Variants in DIP2C observed in about 807,000 individuals in gnomAD.
DIP2C encodes the protein DIP2 acetate--CoA ligase C (putative).
In DIP2C, 33 loss-of-function variants were observed where a neutral mutation model predicts 192.4. The observed-to-expected ratio is 0.17, with a 90% CI of 0.13 to 0.23. DIP2C has a LOEUF of 0.23. Ranked by LOEUF, DIP2C falls within the 10% of genes least tolerant of loss-of-function variation. DIP2C has a pLI of 1.00. For synonymous variants in DIP2C, 979 were observed against 864.1 expected (o/e 1.13, Z -2.33); for missense variants, 1,537 against 2,110.1 (o/e 0.73, Z 5.32).
chr10:559,524 T>C (rs1849086789), intron 1 of DIP2C, among the ~76,000 whole-genome samples: 2 of 152,178 alleles, frequency 1.3e-5, no homozygotes, highest in Admixed American at 6.5e-5. Context: ...AATCAACAAC[T>C]ATATATGGCT....
chr10:541,165 T>C (rs1847964778), intron 1 of DIP2C, among the ~76,000 whole-genome samples: 1 of 151,948 alleles, frequency 6.6e-6, no homozygotes, highest in African/African-American at 2.4e-5. Context: ...GGGCAGGAGC[T>C]GAGAATGTAC....
chr10:291,509 T>C, intron 32 of DIP2C, among the ~76,000 whole-genome samples: 1 of 152,178 alleles, frequency 6.6e-6, no homozygotes, highest in African/African-American at 2.4e-5. Context: ...AGAAGAGATG[T>C]CTTCCTAAAG....
rs188814026 is a variant in DIP2C at position 379,235 on chromosome 10, T to C, written c.1991+3412A>G. Among the ~76,000 whole-genome samples the C allele has an allele frequency of 7.8e-4, 76 of 97,786 alleles. 1 individual carries two copies. The East Asian group carries it at 0.028, about 35-fold the overall frequency. The allele number at this position is 97,786 out of a possible 152,430, so 64.2% of individuals were successfully genotyped here. On this transcript the variant is annotated intron_variant, in intron 17 of 36. Coordinates refer to ENST00000280886, the MANE Select transcript of DIP2C (RefSeq NM_014974.3). The stretch of plus-strand genomic sequence containing the variant: ...CCCTGACAGCTGCTGCTGGCTTCTG[T>C]ACGCCCTGCCCCGCTACCCCACCCC...
intron 2 of DIP2C, 117 bp downstream of exon 2, chr10:486,342 C>T (rs1844014103): frequency 4.2e-6 from 4 of 941,186 alleles, no homozygotes; most frequent in Non-Finnish European, 6.4e-6. Context: ...AGGGTGAACG[C>T]CAGACGCCTC....
intron 24 of DIP2C, among the ~76,000 whole-genome samples, chr10:354,278 G>A (rs563029455): frequency 3.9e-5 from 6 of 152,240 alleles, no homozygotes; most frequent in East Asian, 3.9e-4. Context: ...TTAGAGAACC[G>A]GAATCATTTC....
At chr10:582,656 A>C (rs751869597) in intron 1 of DIP2C, among the ~76,000 whole-genome samples, 10 of 152,214 alleles carry the variant, frequency 6.6e-5, no homozygotes, top group Non-Finnish European at 1.3e-4. Flanking sequence ...AGAAGACTAG[A>C]GAATGGTGTG....
chr10:320,795 AAC>A (rs1397008713), intron 31 of DIP2C, among the ~76,000 whole-genome samples: 1 of 152,212 alleles, frequency 6.6e-6, no homozygotes, highest in African/African-American at 2.4e-5. Flanking sequence ...TGTTCTGTAA[AAC>A]AGCTACTCAC....
At chr10:376,665 G>A (rs927789732) in intron 17 of DIP2C, among the ~76,000 whole-genome samples, 2 of 151,518 alleles carry the variant, frequency 1.3e-5, no homozygotes, top group Admixed American at 6.6e-5. Flanking sequence ...TGAAGGTGCC[G>A]GGGCAGCCAC....
chr10:305,994 T>TA (rs201950305), intron 32 of DIP2C, among the ~76,000 whole-genome samples: 141 of 148,752 alleles, frequency 9.5e-4, no homozygotes, highest in African/African-American at 3.5e-3. Flanking sequence ...TATATATATA[T>TA]TATATTTTTT....
At chr10:416,802 C>G (rs1335568738) in intron 6 of DIP2C, among the ~76,000 whole-genome samples, 1 of 152,146 alleles carries the variant, frequency 6.6e-6, no homozygotes, top group Non-Finnish European at 1.5e-5. Context: ...GCCGGCAGGA[C>G]CTGGGAAACC....
At chr10:390,475 T>C in intron 11 of DIP2C, 102 bp from the exon 12 acceptor site, 1 of 1,215,074 alleles carries the variant, frequency 8.2e-7, no homozygotes, top group Non-Finnish European at 1.2e-6. Flanking sequence ...GTCAACTAGA[T>C]CGAATCTCTG....
intron 17 of DIP2C, among the ~76,000 whole-genome samples, chr10:376,341 C>T (rs1961586173): frequency 6.7e-6 from 1 of 150,034 alleles, no homozygotes; most frequent in African/African-American, 2.5e-5. Flanking sequence ...ACCTCGGCCC[C>T]CGACGGAGCC....
intron 1 of DIP2C, among the ~76,000 whole-genome samples, chr10:673,428 A>AT (rs1387984156): frequency 6.6e-6 from 1 of 152,102 alleles, no homozygotes; most frequent in Non-Finnish European, 1.5e-5. Context: ...CAATTATAAG[A>AT]TTTTTTCTAT....
At chr10:328,597 T>TAAAAA (rs200478520) in intron 30 of DIP2C, among the ~76,000 whole-genome samples, 1 of 4,584 alleles carries the variant, frequency 2.2e-4, no homozygotes, top group Non-Finnish European at 2.0e-3. Flanking sequence ...TTTTCCTATA[T>TAAAAA]AAAAACTTAA....
At chr10:281,138 A>AT in intron 36 of DIP2C, 62 bp downstream of exon 36, 1 of 1,596,290 alleles carries the variant, frequency 6.3e-7, no homozygotes, top group Admixed American at 1.7e-5. Flanking sequence ...TGCTCTCCAC[A>AT]TTCTCAATGC....
At chr10:419,412 G>A (rs555523236) in intron 5 of DIP2C, among the ~76,000 whole-genome samples, 13 of 152,298 alleles carry the variant, frequency 8.5e-5, no homozygotes, top group Admixed American at 4.6e-4. Context: ...AGCAGAGTTC[G>A]GTAAAACCTC....
At chr10:433,445 G>A (rs1966924069) in intron 4 of DIP2C, among the ~76,000 whole-genome samples, 1 of 152,098 alleles carries the variant, frequency 6.6e-6, no homozygotes, top group South Asian at 2.1e-4. Flanking sequence ...AGGAGGCCGA[G>A]GCAGGATGAT....
intron 1 of DIP2C, among the ~76,000 whole-genome samples, chr10:637,003 C>A (rs1355616873): frequency 6.6e-6 from 1 of 152,262 alleles, no homozygotes; most frequent in East Asian, 1.9e-4. Flanking sequence ...ATCAGAAACA[C>A]CTGGAGGGGC....
intron 1 of DIP2C, among the ~76,000 whole-genome samples, chr10:514,361 C>A (rs1315142790): frequency 6.6e-6 from 1 of 152,224 alleles, no homozygotes; most frequent in African/African-American, 2.4e-5. Context: ...CCCAGTTCGA[C>A]GGCACTCAGT....
Sources: gnomAD v4.1 joint callset for allele counts (sites outside exome capture counted in the v4.1 genomes callset) on GRCh38, gnomAD v4.1.1 for gene constraint, MANE v1.5 for transcripts, NCBI Gene and HGNC (gene_info 2026-07-23, HGNC 2026-07-21) for gene names.